DCT: variants seen among roughly 807,000 people sequenced by gnomAD.
The protein encoded by DCT is L-dopachrome tautomerase.
Under a neutral mutation model 53.0 loss-of-function variants are expected in DCT, and 47 were observed. That is an observed-to-expected ratio of 0.89 (90% confidence interval 0.70 to 1.13). DCT has a LOEUF of 1.13. DCT is among the 50% of genes most tolerant of loss of function. DCT has a pLI of 0.00. For synonymous variants in DCT, 244 were observed against 237.0 expected, an observed-to-expected ratio of 1.03 and a Z score of -0.27; for missense variants, 669 against 637.4, an observed-to-expected ratio of 1.05 and a Z score of -0.53.
At chr13:94,488,907 AG>A in the DCT span, among the ~76,000 whole-genome samples, 2 of 152,086 alleles carry the variant, frequency 1.3e-5, no homozygotes, top group African/African-American at 4.8e-5. Flanking sequence ...TATAGTCAAG[AG>A]AAAAACATAA....
intron 6 of DCT, chr13:94,444,351 A>C (rs1406414909): frequency 2.0e-6 from 1 of 512,390 alleles, no homozygotes; most frequent in Non-Finnish European, 3.9e-6. Flanking sequence ...AGGAACAGTA[A>C]ATTTTTCTCA....
At chr13:94,547,856 G>A in the DCT span, among the ~76,000 whole-genome samples, 1 of 150,762 alleles carries the variant, frequency 6.6e-6, no homozygotes, top group South Asian at 2.1e-4. Flanking sequence ...CGGGCATGGT[G>A]GCGGGTGCCT....
chr13:94,472,558 ATATATATATATTTTTTTTTTTTT>A (rs1884791734), intron 1 of DCT, among the ~76,000 whole-genome samples: 1 of 24,388 alleles, frequency 4.1e-5, no homozygotes, highest in Admixed American at 6.3e-4. Context: ...ATATATATAT[ATATATATATATTTTTTTTTTTTT>A]TTTTTTTTTT....
At chr13:94,493,275 GC>G in the DCT span, among the ~76,000 whole-genome samples, 1 of 151,978 alleles carries the variant, frequency 6.6e-6, no homozygotes, top group Admixed American at 6.6e-5. Context: ...GGAAATGCCT[GC>G]CCCCCACGAC....
At chr13:94,452,743 A>C (rs2139302572) in intron 6 of DCT, 2 of 638,718 alleles carry the variant, frequency 3.1e-6, no homozygotes, top group South Asian at 3.8e-5. Flanking sequence ...ATCCATGCAA[A>C]AGAATACTAT....
chr13:94,455,411 G>GAGAGAGAGAA (rs1412130579), intron 6 of DCT, among the ~76,000 whole-genome samples: 1 of 151,554 alleles, frequency 6.6e-6, no homozygotes, highest in Admixed American at 6.6e-5. Context: ...GAGAGAGAGA[G>GAGAGAGAGAA]ATTCCTACTA....
chr13:94,517,883 A>T, the DCT span, among the ~76,000 whole-genome samples: 1 of 152,096 alleles, frequency 6.6e-6, no homozygotes, highest in South Asian at 2.1e-4. Flanking sequence ...GGAAGAGGCA[A>T]GGAATGAATT....
the DCT span, among the ~76,000 whole-genome samples, chr13:94,538,062 C>T: frequency 6.6e-6 from 1 of 152,080 alleles, no homozygotes; most frequent in Non-Finnish European, 1.5e-5. Context: ...ATAAAATACA[C>T]AACCAGAAGA....
intron 7 of DCT, among the ~76,000 whole-genome samples, chr13:94,443,224 G>A (rs1252605163): frequency 1.3e-5 from 2 of 152,088 alleles, no homozygotes; most frequent in Non-Finnish European, 2.9e-5. Flanking sequence ...TCTAAAACAA[G>A]AGTCAGCTCA....
upstream of DCT, among the ~76,000 whole-genome samples, chr13:94,482,755 T>C (rs1202951458): frequency 6.6e-6 from 1 of 152,232 alleles, no homozygotes; most frequent in Non-Finnish European, 1.5e-5. Context: ...AATTAAATGC[T>C]TTTATTTTGA....
At chr13:94,469,123 A>G in intron 1 of DCT, 78 bp from the exon 2 acceptor site, 4 of 1,235,974 alleles carry the variant, frequency 3.2e-6, no homozygotes, top group Non-Finnish European at 4.7e-6. Flanking sequence ...GTACTCTGAA[A>G]TTTGAATGGA....
the DCT span, among the ~76,000 whole-genome samples, chr13:94,508,048 C>A: frequency 1.3e-4 from 20 of 152,152 alleles, no homozygotes; most frequent in African/African-American, 4.8e-4. Flanking sequence ...CATAGGCAAA[C>A]CTCAGTTATC....
At chr13:94,530,784 G>T in the DCT span, among the ~76,000 whole-genome samples, 1 of 152,050 alleles carries the variant, frequency 6.6e-6, no homozygotes, top group Non-Finnish European at 1.5e-5. Context: ...TGGAAGTTCT[G>T]GCCAGGGCAA....
the DCT span, among the ~76,000 whole-genome samples, chr13:94,489,769 CA>C: frequency 2.0e-5 from 3 of 151,990 alleles, no homozygotes; most frequent in Non-Finnish European, 2.9e-5. Flanking sequence ...AATACACACA[CA>C]CACACACACA....
At chr13:94,545,433 T>C in the DCT span, among the ~76,000 whole-genome samples, 1 of 152,160 alleles carries the variant, frequency 6.6e-6, no homozygotes, top group Non-Finnish European at 1.5e-5. Flanking sequence ...ACTTTTATAA[T>C]AATTAATTCC....
chr13:94,457,570 C>T (rs1883491562), intron 6 of DCT, among the ~76,000 whole-genome samples: 1 of 152,116 alleles, frequency 6.6e-6, no homozygotes. Flanking sequence ...CTAAGATTAA[C>T]ATTAAGGTGA....
the DCT span, among the ~76,000 whole-genome samples, chr13:94,533,195 G>A: frequency 6.7e-6 from 1 of 148,194 alleles, no homozygotes; most frequent in Admixed American, 6.8e-5. Context: ...AAAGAAATGG[G>A]AGTAGTTATA....
At chr13:94,535,886 C>T in the DCT span, among the ~76,000 whole-genome samples, 1 of 152,074 alleles carries the variant, frequency 6.6e-6, no homozygotes, top group Non-Finnish European at 1.5e-5. Context: ...ATGGCGTAGC[C>T]CCTCCCAGGT....
At chr13:94,457,057 G>A (rs1487910067) in intron 6 of DCT, among the ~76,000 whole-genome samples, 1 of 152,238 alleles carries the variant, frequency 6.6e-6, no homozygotes, top group East Asian at 1.9e-4. Context: ...TTGAACGCAG[G>A]AGGCGGAGGT....
Sources: gnomAD v4.1 joint callset for allele counts (sites outside exome capture counted in the v4.1 genomes callset) on GRCh38, gnomAD v4.1.1 for gene constraint, MANE v1.5 for transcripts, NCBI Gene and HGNC (gene_info 2026-07-23, HGNC 2026-07-21) for gene names.